CFAP69: variants seen among roughly 807,000 people sequenced by gnomAD.
CFAP69 encodes the protein cilia and flagella associated protein 69, also known as cilia- and flagella-associated protein 69.
A neutral mutation model predicts 123.0 loss-of-function variants in CFAP69; 92 were observed. That is an observed-to-expected ratio of 0.75 (90% CI 0.63 to 0.89). The LOEUF (loss-of-function observed/expected upper bound fraction) is 0.89, where lower values mean the gene tolerates loss of function less well. Among genes scored for constraint, CFAP69 ranks in the 40% least tolerant of loss-of-function variants. The pLI is 0.00. For synonymous variants in CFAP69, 380 were observed against 364.3 expected (o/e 1.04, Z -0.49); for missense variants, 1,067 against 1,096.9 (o/e 0.97, Z 0.39).
intron 1 of CFAP69, 143 bp downstream of exon 1, chr7:90,245,687 A>G: frequency 8.7e-7 from 1 of 1,144,868 alleles, no homozygotes; most frequent in Non-Finnish European, 1.2e-6. Flanking sequence ...TTCCAAGCGC[A>G]GAGCTAATCC....
At chr7:90,256,296 C>T (rs571357525) in intron 2 of CFAP69, among the ~76,000 whole-genome samples, 337 of 152,174 alleles carry the variant, frequency 2.2e-3, no homozygotes, top group Non-Finnish European at 2.8e-3. Context: ...CCAAACACTG[C>T]ATGTTCTCAC....
rs1389424879 is a variant in CFAP69, at chr7:90,310,632, A to C, written c.*394A>C. ...TGAATCTAAGGACTAAAACTATATG[A>C]GTAGGATCTTCTCCTTCCCTAGCAG... On this transcript the variant is annotated 3_prime_UTR_variant, in exon 23 of 23. Transcript: ENST00000389297. The C allele has an allele frequency of 6.5e-6, 1 of 152,912 alleles. No individual in the cohort carries two copies. Among genetic ancestry groups the C allele is most frequent in the African/African-American group, 2.4e-5 (1 of 41,460 alleles). 9.5% of individuals were successfully genotyped at this position (152,912 alleles called of 1,614,324 possible). A position where few individuals can be genotyped will look rare whatever the true frequency, so the allele number is the denominator to read the frequency against.
intron 1 of CFAP69, among the ~76,000 whole-genome samples, chr7:90,252,652 A>G (rs1171959507): frequency 2.6e-5 from 4 of 152,220 alleles, no homozygotes; most frequent in African/African-American, 9.6e-5. Context: ...AGCCTGAGCA[A>G]CAGAGTAAGA....
chr7:90,259,473 TTTGTTTGTTTG>T (rs1798044112), intron 3 of CFAP69, among the ~76,000 whole-genome samples: 1 of 96,302 alleles, frequency 1.0e-5, no homozygotes, highest in African/African-American at 3.4e-5. Context: ...TTTTGGGGTG[TTTGTTTGTTTG>T]TTTGTTTGTT....
chr7:90,309,864 T>A (rs1794123612), intron 22 of CFAP69, among the ~76,000 whole-genome samples: 1 of 152,184 alleles, frequency 6.6e-6, no homozygotes, highest in Non-Finnish European at 1.5e-5. Context: ...TGCCCCCAGT[T>A]ACAAAGCTGA....
Position 90,274,082 on chromosome 7 carries a change from T to C in CFAP69, c.956T>C (p.Ile319Thr). 1 of 1,600,272 alleles carries C rather than the reference T, an allele frequency of 6.2e-7. No individual in the cohort carries two copies. Among genetic ancestry groups the C allele is most frequent in the Non-Finnish European group, 8.5e-7 (1 of 1,175,878 alleles). Residue 319 changes from isoleucine (I) to threonine (T), a missense_variant, in exon 9 of 23, where the codon ATA becomes ACA. Physicochemically the swap from Ile to Thr is moderately conservative, Grantham distance 89. Coordinates refer to ENST00000389297, the MANE Select transcript of CFAP69 (RefSeq NM_001039706.3). ...GACATATTAGTGATCACTACAATTA[T>C]AGCTCAAAATCCTGAAGCACCAATG... ...RNDILVITTI[I>T]AQNPEAPMIE...
chr7:90,287,188 C>G (rs1790426020), intron 14 of CFAP69, among the ~76,000 whole-genome samples: 1 of 151,696 alleles, frequency 6.6e-6, no homozygotes, highest in Non-Finnish European at 1.5e-5. Context: ...GTGACTATGC[C>G]AAAATGTGTT....
At chr7:90,292,028 G>A (rs1260706690) in intron 15 of CFAP69, among the ~76,000 whole-genome samples, 1 of 152,092 alleles carries the variant, frequency 6.6e-6, no homozygotes, top group Non-Finnish European at 1.5e-5. Flanking sequence ...GTGTACCATA[G>A]TTCTTGAAAC....
intron 2 of CFAP69, among the ~76,000 whole-genome samples, 176 bp from the exon 3 acceptor site, chr7:90,257,922 G>T (rs1356213479): frequency 6.6e-6 from 1 of 152,060 alleles, no homozygotes. Context: ...CAGTCGTTCT[G>T]ATAGTTTATT....
intron 4 of CFAP69, among the ~76,000 whole-genome samples, chr7:90,262,806 G>A (rs1798508750): frequency 6.6e-6 from 1 of 151,570 alleles, no homozygotes; most frequent in Non-Finnish European, 1.5e-5. Context: ...ATAATAGAAA[G>A]GTTTAGTAGA....
rs531410589 is a variant in CFAP69 at position 90,299,897 on chromosome 7, C to T, written c.1888C>T (p.Leu630Phe). Residue 630 changes from leucine (L) to phenylalanine (F), a missense_variant, in exon 17 of 23, where the codon CTT becomes TTT. Coordinates refer to ENST00000389297, the MANE Select transcript of CFAP69 (RefSeq NM_001039706.3). ...LNQKKFCNLI[L>F]GIMVEFCDNP... is the part of the protein sequence containing the mutation. ...CCAAAAAAAATTCTGTAATCTAATACTTGGAATAATGGTTGAATTTTGTGA... is the reference window on the plus strand; with the variant it reads ...CCAAAAAAAATTCTGTAATCTAATATTTGGAATAATGGTTGAATTTTGTGA... 6.2e-7 allele frequency: 1 copy of T among 1,606,910 alleles called. No individual in the cohort carries two copies. Among genetic ancestry groups the T allele is most frequent in the Non-Finnish European group, 8.5e-7 (1 of 1,176,886 alleles).
rs537216823 is a variant in CFAP69 at position 90,265,209 on chromosome 7, C to T, written c.357-92C>T. ...AATAGAATATTATTATTAATTTATT[C>T]TTTAGAAATGAACTCTCCCCCACTT... On this transcript the variant is annotated intron_variant, in intron 4 of 22. Coordinates refer to ENST00000389297, the MANE Select transcript of CFAP69 (RefSeq NM_001039706.3). The T allele has an allele frequency of 8.3e-6, 6 of 722,812 alleles. No homozygotes were observed. In the East Asian group the frequency reaches 1.6e-4, roughly 19 times the overall value. The allele number at this position is 722,812 out of a possible 1,614,324, so 44.8% of individuals were successfully genotyped here. A position where few individuals can be genotyped will look rare whatever the true frequency, so the allele number is the denominator to read the frequency against.
intron 6 of CFAP69, among the ~76,000 whole-genome samples, chr7:90,269,562 T>C (rs1185346880): frequency 1.3e-5 from 2 of 152,126 alleles, no homozygotes; most frequent in Non-Finnish European, 2.9e-5. Context: ...TTTTCTGTAA[T>C]GGAAGAGTTA....
chr7:90,274,940 G>A (rs1788368501), intron 9 of CFAP69, among the ~76,000 whole-genome samples: 1 of 152,060 alleles, frequency 6.6e-6, no homozygotes, highest in South Asian at 2.1e-4. Context: ...CTTCTTCAGA[G>A]GCTCTGATTA....
At chr7:90,255,759 A>G (rs1039235780) in intron 2 of CFAP69, among the ~76,000 whole-genome samples, 2 of 152,198 alleles carry the variant, frequency 1.3e-5, no homozygotes, top group Non-Finnish European at 2.9e-5. Flanking sequence ...AGAAAGGATC[A>G]TCTAGCCTCT....
chr7:90,270,496 A>G (rs1393672244), intron 6 of CFAP69, among the ~76,000 whole-genome samples: 1 of 152,160 alleles, frequency 6.6e-6, no homozygotes, highest in Non-Finnish European at 1.5e-5. Context: ...TTATGAAAAT[A>G]TAGGCAATTT....
intron 20 of CFAP69, 109 bp from the exon 21 acceptor site, chr7:90,307,659 T>G (rs1213513508): frequency 1.6e-6 from 1 of 608,748 alleles, no homozygotes; most frequent in East Asian, 3.0e-5. Context: ...GGCAGAGAGA[T>G]ACTTGAGACA....
chr7:90,313,290 T>C (rs75082053), downstream of CFAP69, among the ~76,000 whole-genome samples: 1 of 152,234 alleles, frequency 6.6e-6, no homozygotes, highest in Non-Finnish European at 1.5e-5. Context: ...CTCTCATTTT[T>C]ACACACATTC....
At chr7:90,269,084 AT>A (rs963867754) in intron 6 of CFAP69, 8 of 116,646 alleles carry the variant, frequency 6.9e-5, no homozygotes, top group African/African-American at 2.3e-4. Context: ...AAAAAAGACA[AT>A]TTAAAAAAAA....
Sources: allele counts gnomAD v4.1 joint callset (sites outside exome capture counted in the v4.1 genomes callset), GRCh38; gene constraint gnomAD v4.1.1; transcripts MANE v1.5; gene names NCBI Gene and HGNC (gene_info 2026-07-23, HGNC 2026-07-21).